B3GALNT2: variants seen among roughly 807,000 people sequenced by gnomAD.
The protein encoded by B3GALNT2 is UDP-GalNAc:beta-1,3-N-acetylgalactosaminyltransferase 2.
In B3GALNT2, 53 loss-of-function variants were observed where a neutral mutation model predicts 61.1. The ratio of observed to expected loss-of-function variants is 0.87; its 90% CI spans 0.70 to 1.09. The LOEUF (loss-of-function observed/expected upper bound fraction) is 1.09. Among genes scored for constraint, B3GALNT2 ranks in the 50% least tolerant of loss-of-function variants. The pLI is 0.00. For synonymous variants in B3GALNT2, 223 were observed against 237.4 expected (o/e 0.94, Z 0.56); for missense variants, 544 against 623.0 (o/e 0.87, Z 1.35).
At chr1:235,475,591 C>T (rs1448471171) in intron 5 of B3GALNT2, among the ~76,000 whole-genome samples, 1 of 152,114 alleles carries the variant, frequency 6.6e-6, no homozygotes, top group African/African-American at 2.4e-5. Flanking sequence ...CAAACAAACC[C>T]AATCAGCCTT....
At chr1:235,467,539 C>T (rs1168408152) in intron 6 of B3GALNT2, among the ~76,000 whole-genome samples, 2 of 146,746 alleles carry the variant, frequency 1.4e-5, no homozygotes, top group Non-Finnish European at 3.0e-5. Flanking sequence ...GGCTGGAGTG[C>T]GATGGCGTGA....
rs1037347990 is a variant in B3GALNT2 at position 235,448,182 on chromosome 1, A to G, written c.*2024T>C. On this transcript the variant is annotated 3_prime_UTR_variant, in exon 12 of 12. Coordinates refer to ENST00000366600, the MANE Select transcript of B3GALNT2 (RefSeq NM_152490.5). Reference sequence around the variant, plus strand: ...ACCATTGCACTCCAGCCTGGGCGACAGAGCAAGACTTACTTAAGTAAGTAA... The same window carrying G: ...ACCATTGCACTCCAGCCTGGGCGACGGAGCAAGACTTACTTAAGTAAGTAA... Among the ~76,000 whole-genome samples the G allele has an allele frequency of 1.3e-5, 2 of 149,878 alleles. No individual in the cohort carries two copies. Among genetic ancestry groups the G allele is most frequent in the Non-Finnish European group, 3.0e-5 (2 of 67,666 alleles).
chr1:235,448,367 AG>A lies in B3GALNT2; in HGVS notation c.*1838del, dbSNP rs755029456. On this transcript the variant is annotated 3_prime_UTR_variant, in exon 12 of 12. Coordinates refer to ENST00000366600, the MANE Select transcript of B3GALNT2 (RefSeq NM_152490.5). The stretch of plus-strand genomic sequence containing the variant: ...TTGATAGGCTCCATGACAATTCAAA[AG>A]GTGAAGGGATTGCTGTCACGTCTTC... 1 of 1,614,212 alleles carries A rather than the reference AG, an allele frequency of 6.2e-7. No homozygotes were observed.
In B3GALNT2 at chr1:235,490,775, G is replaced by A. The variant is rs9628693; in HGVS notation, c.261-1507C>T. Among the ~76,000 whole-genome samples the A allele has an allele frequency of 8.3e-3, 1,256 of 151,824 alleles. 14 individuals are homozygous for A. Among genetic ancestry groups the A allele is most frequent in the African/African-American group, 0.029 (1,209 of 41,428 alleles). On this transcript the variant is annotated intron_variant, in intron 2 of 11. Transcript: ENST00000366600. ...GAAATACTCAAATTAATCACTTAAT[G>A]TTTTACTACATTTTACTATTATGTT... is the stretch of plus-strand genomic sequence containing the variant.
chr1:235,472,803 G>A (rs974907381), intron 5 of B3GALNT2, among the ~76,000 whole-genome samples: 17 of 152,134 alleles, frequency 1.1e-4, no homozygotes, highest in Non-Finnish European at 2.9e-5. Flanking sequence ...TCTCATTTTA[G>A]CCAGCAGTAT....
chr1:235,455,027 A>G (rs1041536599), intron 9 of B3GALNT2, among the ~76,000 whole-genome samples: 1 of 152,238 alleles, frequency 6.6e-6, no homozygotes, highest in Non-Finnish European at 1.5e-5. Context: ...TTTCTTTGGC[A>G]TAAGAATAAA....
chr1:235,489,254 A>G lies in B3GALNT2; in HGVS notation c.275T>C (p.Phe92Ser). 6.2e-7 allele frequency: 1 copy of G among 1,613,830 alleles called. No homozygotes were observed. The change falls in exon 3 of 12, where the codon TTC becomes TCC. Residue 92 changes from phenylalanine (F) to serine (S), a missense_variant. Coordinates refer to ENST00000366600, the MANE Select transcript of B3GALNT2 (RefSeq NM_152490.5). Reference protein sequence around the residue: ...PTLSQRVLVKFIIGAHGCEVP... With the variant: ...PTLSQRVLVKSIIGAHGCEVP... ...TTCACAGCCATGAGCACCTATTATG[A>G]ACTTCACAAGCACACTGAGAGATGT...
intron 5 of B3GALNT2, among the ~76,000 whole-genome samples, chr1:235,473,687 G>A (rs1291656643): frequency 6.6e-6 from 1 of 152,104 alleles, no homozygotes; most frequent in Non-Finnish European, 1.5e-5. Context: ...AAATTGCCTG[G>A]GAAGAATGAG....
chr1:235,450,036 A>G lies in B3GALNT2; in HGVS notation c.*170T>C. 1 of 696,192 alleles carries G rather than the reference A, an allele frequency of 1.4e-6. No homozygotes were observed. Among genetic ancestry groups the G allele is most frequent in the Admixed American group, 3.2e-5 (1 of 31,006 alleles). The allele number at this position is 696,192 out of a possible 1,614,324, so 43.1% of individuals were successfully genotyped here. A position where few individuals can be genotyped will look rare whatever the true frequency, so the allele number is the denominator to read the frequency against. ...CTACAGTACAAGTTGATTTTTAAGG[A>G]AATTTGTGCAAACATTAAGAAACAC... On this transcript the variant is annotated 3_prime_UTR_variant, in exon 12 of 12. Coordinates refer to ENST00000366600, the MANE Select transcript of B3GALNT2 (RefSeq NM_152490.5).
At chr1:235,487,533 T>C (rs1321386376) in intron 3 of B3GALNT2, among the ~76,000 whole-genome samples, 1 of 152,236 alleles carries the variant, frequency 6.6e-6, no homozygotes. Flanking sequence ...AGCTAGAAAA[T>C]GGCAAAGCTT....
chr1:235,483,184 C>A (rs2102841227), intron 4 of B3GALNT2, among the ~76,000 whole-genome samples: 1 of 152,050 alleles, frequency 6.6e-6, no homozygotes, highest in African/African-American at 2.4e-5. Flanking sequence ...AGTCACTAAA[C>A]TTGAATACAG....
chr1:235,455,071 C>T (rs1243545597), intron 9 of B3GALNT2, among the ~76,000 whole-genome samples: 1 of 152,098 alleles, frequency 6.6e-6, no homozygotes, highest in Non-Finnish European at 1.5e-5. Flanking sequence ...ACTACATTAG[C>T]CTGAGGCTTT....
At chr1:235,472,678 G>C (rs1001915323) in intron 5 of B3GALNT2, among the ~76,000 whole-genome samples, 1 of 152,042 alleles carries the variant, frequency 6.6e-6, no homozygotes, top group Non-Finnish European at 1.5e-5. Context: ...AAATAATGTT[G>C]AACTAAAAAT....
chr1:235,479,612 A>G (rs1234123472), intron 5 of B3GALNT2: 5 of 157,030 alleles, frequency 3.2e-5, no homozygotes, highest in Non-Finnish European at 7.1e-5. Context: ...CCCTTTGGAG[A>G]AATTTTATTT....
At chr1:235,481,906 A>C (rs1479030731) in intron 4 of B3GALNT2, among the ~76,000 whole-genome samples, 2 of 152,202 alleles carry the variant, frequency 1.3e-5, no homozygotes, top group Non-Finnish European at 2.9e-5. Context: ...ATTTATGTCT[A>C]TAAACACATC....
chr1:235,470,062 TAA>T (rs1683915047), intron 6 of B3GALNT2, among the ~76,000 whole-genome samples: 1 of 151,992 alleles, frequency 6.6e-6, no homozygotes, highest in Non-Finnish European at 1.5e-5. Context: ...CATGCCTGGC[TAA>T]GTTTTTGTAT....
At chr1:235,446,287 C>A (rs933672155), downstream of B3GALNT2, among the ~76,000 whole-genome samples, 2 of 152,120 alleles carry the variant, frequency 1.3e-5, no homozygotes, top group African/African-American at 4.8e-5. Context: ...GCAACTCTCC[C>A]GGCCTCAGCT....
downstream of B3GALNT2, chr1:235,443,072 A>C: frequency 4.1e-6 from 3 of 726,686 alleles, no homozygotes; most frequent in Non-Finnish European, 7.0e-6. Context: ...AATCATGCTA[A>C]TATCACTCCC....
chr1:235,459,146 GA>G lies in B3GALNT2; in HGVS notation c.842-361del, dbSNP rs558151374. Among the ~76,000 whole-genome samples, 82 of 133,116 alleles carry G rather than the reference GA, an allele frequency of 6.2e-4. 1 individual carries two copies. The highest frequency in any genetic ancestry group is 4.7e-3 in the South Asian group (20 of 4,228). The allele number at this position is 133,116 out of a possible 152,430, so 87.3% of individuals were successfully genotyped here. A position where few individuals can be genotyped will look rare whatever the true frequency, so the allele number is the denominator to read the frequency against. ...GGACCAACCTAAATGTCCACTGAGA[GA>G]AAAAAAAAAAACAGCCAAGTTGTGG... On this transcript the variant is annotated intron_variant, in intron 7 of 11. Transcript: ENST00000366600.
Sources: allele counts gnomAD v4.1 joint callset (sites outside exome capture counted in the v4.1 genomes callset), GRCh38; gene constraint gnomAD v4.1.1; transcripts MANE v1.5; gene names NCBI Gene and HGNC (gene_info 2026-07-23, HGNC 2026-07-21).